CHRNB4: variants seen among roughly 807,000 people sequenced by gnomAD.
CHRNB4 encodes the protein neuronal acetylcholine receptor subunit beta-4.
Under a neutral mutation model 40.4 loss-of-function variants are expected in CHRNB4, and 23 were observed. That is an observed-to-expected ratio of 0.57 (90% confidence interval 0.41 to 0.81). The LOEUF (loss-of-function observed/expected upper bound fraction) is 0.81. Among genes scored for constraint, CHRNB4 ranks in the 30% least tolerant of loss-of-function variants. The pLI is 0.00. For synonymous variants in CHRNB4, 285 were observed against 274.4 expected, an observed-to-expected ratio of 1.04 and a Z score of -0.38; for missense variants, 568 against 670.6, an observed-to-expected ratio of 0.85 and a Z score of 1.69.
intron 5 of CHRNB4, among the ~76,000 whole-genome samples, chr15:78,655,158 A>G (rs1459183185): frequency 2.0e-5 from 3 of 151,844 alleles, no homozygotes; most frequent in Non-Finnish European, 4.4e-5. Flanking sequence ...TTCTGTCTCT[A>G]TAGATTAGTT....
chr15:78,653,670 C>T (rs2054190833), intron 5 of CHRNB4, among the ~76,000 whole-genome samples: 1 of 152,202 alleles, frequency 6.6e-6, no homozygotes, highest in Non-Finnish European at 1.5e-5. Context: ...GTAGAGGCCA[C>T]ACTTTTCCTG....
At chr15:78,661,121 T>C (rs1289104774), upstream of CHRNB4, 4 of 619,548 alleles carry the variant, frequency 6.5e-6, no homozygotes, top group Non-Finnish European at 1.2e-5. Context: ...TAGGCTTTGG[T>C]GTGGCTGTGC....
chr15:78,646,982 T>C (rs1310579991), intron 7 of CHRNB4, among the ~76,000 whole-genome samples: 2 of 151,882 alleles, frequency 1.3e-5, no homozygotes, highest in Non-Finnish European at 2.9e-5. Flanking sequence ...CTCCTCTCTC[T>C]ATATAAAAAA....
intron 2 of CHRNB4, among the ~76,000 whole-genome samples, chr15:78,633,414 T>TAG (rs1346575025): frequency 3.9e-5 from 6 of 152,172 alleles, no homozygotes; most frequent in Non-Finnish European, 8.8e-5. Flanking sequence ...CCACCATACC[T>TAG]AGAGTGTGGC....
chr15:78,645,950 C>T (rs555410888), upstream of CHRNB4, among the ~76,000 whole-genome samples: 21 of 151,490 alleles, frequency 1.4e-4, no homozygotes, highest in Admixed American at 8.6e-4. Context: ...GTCCCAGCTA[C>T]TTGGGAGGCT....
chr15:78,643,760 A>T (rs1596120566), upstream of CHRNB4, among the ~76,000 whole-genome samples: 1 of 152,174 alleles, frequency 6.6e-6, no homozygotes, highest in Non-Finnish European at 1.5e-5. Context: ...GACTAGTAAG[A>T]GTTAGCAAGG....
At chr15:78,659,563 T>A (rs147450051) in intron 1 of CHRNB4, among the ~76,000 whole-genome samples, 221 of 152,204 alleles carry the variant, frequency 1.5e-3, no homozygotes, top group African/African-American at 5.0e-3. Flanking sequence ...GAGGTGACAT[T>A]TGAGACCTGA....
chr15:78,640,858 G>C (rs978476217), intron 1 of CHRNB4, among the ~76,000 whole-genome samples: 1 of 152,180 alleles, frequency 6.6e-6, no homozygotes, highest in African/African-American at 2.4e-5. Flanking sequence ...GCTCCGAGAA[G>C]AGGCGGCCCC....
Position 78,629,464 on chromosome 15 carries a change from T to C in CHRNB4, c.841A>G (p.Ile281Val). 1 of 1,614,054 alleles carries C rather than the reference T, an allele frequency of 6.2e-7. No individual in the cohort carries two copies. Among genetic ancestry groups the C allele is most frequent in the Non-Finnish European group, 8.5e-7 (1 of 1,180,008 alleles). ...LLALTFFLLL[I>V]SKIVPPTSLD... ...GAGGTGGGTGGCACGATCTTGGAGA[T>C]GAGCAGCAGGAAGAATGTCAGTGCC... Residue 281 changes from isoleucine (I) to valine (V), a missense_variant, in exon 5 of 6, where the codon ATC (isoleucine) becomes GTC (valine). Physicochemically the swap from Ile to Val is conservative, Grantham distance 29. Around this residue, in one of 4 missense-constraint regions of CHRNB4, gnomAD observed 38 missense variants for 80.3 expected, o/e 0.47. Transcript: ENST00000261751. The surrounding 1 kb of genome is among the most constrained non-coding windows in gnomAD (Gnocchi z 6.8).
chr15:78,649,321 G>A (rs144567148), intron 7 of CHRNB4: 2 of 430,152 alleles, frequency 4.6e-6, no homozygotes, highest in African/African-American at 4.1e-5. Context: ...GTGAGAATTG[G>A]AAACCACTTA....
chr15:78,651,032 C>T (rs546816685), intron 6 of CHRNB4, among the ~76,000 whole-genome samples: 1 of 152,236 alleles, frequency 6.6e-6, no homozygotes, highest in African/African-American at 2.4e-5. Flanking sequence ...TGGACCTTTT[C>T]TCGGGCATTG....
In CHRNB4 at chr15:78,624,851, G is replaced by C; in HGVS notation, c.*282C>G. 1 of 1,042,046 alleles carries C rather than the reference G, an allele frequency of 9.6e-7. No homozygotes were observed. The highest frequency in any genetic ancestry group is 1.3e-6 in the Non-Finnish European group (1 of 746,342). 64.5% of individuals were successfully genotyped at this position (1,042,046 alleles called of 1,614,324 possible). A position where few individuals can be genotyped will look rare whatever the true frequency, so the allele number is the denominator to read the frequency against. On this transcript the variant is annotated 3_prime_UTR_variant, in exon 6 of 6. Transcript: ENST00000261751. ...GAAGCATAGTAGGTGCTGCTACGAA[G>C]TCATCTTTATCCCCATTGCCCGGTG...
At chr15:78,640,515 C>G (rs1175643129) in intron 1 of CHRNB4, among the ~76,000 whole-genome samples, 2 of 152,364 alleles carry the variant, frequency 1.3e-5, no homozygotes, top group East Asian at 1.9e-4. Context: ...CATTCCAGGG[C>G]TGCTGATTTG....
At chr15:78,643,142 A>G (rs1345460519), upstream of CHRNB4, among the ~76,000 whole-genome samples, 2 of 152,234 alleles carry the variant, frequency 1.3e-5, no homozygotes, top group African/African-American at 4.8e-5. Flanking sequence ...TTTAAATAAT[A>G]CCAAGTTGAA....
At chr15:78,651,501 C>T (rs2054171576) in intron 6 of CHRNB4, among the ~76,000 whole-genome samples, 1 of 152,224 alleles carries the variant, frequency 6.6e-6, no homozygotes, top group South Asian at 2.1e-4. Context: ...GCCCAGAGAC[C>T]TCTCCAGGGC....
chr15:78,633,580 T>C (rs984750211), intron 2 of CHRNB4, among the ~76,000 whole-genome samples: 1 of 152,244 alleles, frequency 6.6e-6, no homozygotes, highest in African/African-American at 2.4e-5. Flanking sequence ...ATGTAGTTAC[T>C]GATATATTTG....
intron 1 of CHRNB4, among the ~76,000 whole-genome samples, chr15:78,638,715 A>G (rs9920506): frequency 0.79 from 119,467 of 152,144 alleles, 47,687 homozygotes; most frequent in Non-Finnish European, 0.85. Context: ...AAAAGGGGCG[A>G]CGGAGCCCAG....
At chr15:78,644,114 G>A (rs2141403340), upstream of CHRNB4, among the ~76,000 whole-genome samples, 1 of 151,492 alleles carries the variant, frequency 6.6e-6, no homozygotes, top group Middle Eastern at 3.4e-3. Flanking sequence ...AGTGAGCGGA[G>A]ATTGCACCAC....
At chr15:78,626,259 T>G (rs2053650153) in intron 5 of CHRNB4, 1 of 152,376 alleles carries the variant, frequency 6.6e-6, no homozygotes, top group South Asian at 2.1e-4. Flanking sequence ...TCCCCAAGAC[T>G]CAGCAGGCAC....
Sources: allele counts gnomAD v4.1 joint callset (sites outside exome capture counted in the v4.1 genomes callset), GRCh38; gene constraint gnomAD v4.1.1; regional missense constraint gnomAD v4.1.1; non-coding constraint Gnocchi (gnomAD v3.1); transcripts MANE v1.5; gene names NCBI Gene and HGNC (gene_info 2026-07-23, HGNC 2026-07-21).